Variants in CPNE8 observed in about 807,000 individuals in gnomAD.
The protein encoded by CPNE8 is copine-8.
CPNE8 carries 45 observed loss-of-function variants against 81.5 expected under a neutral mutation model. That is an observed-to-expected ratio of 0.55 (90% CI 0.44 to 0.71). The LOEUF is 0.71. CPNE8 is among the 30% of genes least tolerant of loss of function. CPNE8 has a pLI of 0.00. For synonymous variants in CPNE8, 252 were observed against 226.3 expected (o/e 1.11, Z -1.02); for missense variants, 594 against 672.1 (o/e 0.88, Z 1.28).
chr12:38,692,295 A>G (rs1273115137), intron 15 of CPNE8, among the ~76,000 whole-genome samples: 2 of 152,124 alleles, frequency 1.3e-5, no homozygotes, highest in Non-Finnish European at 2.9e-5. Context: ...TCTCAAAAAA[A>G]CAAAAACAAA....
chr12:38,662,335 C>T (rs1938977278), intron 19 of CPNE8, among the ~76,000 whole-genome samples: 2 of 152,024 alleles, frequency 1.3e-5, no homozygotes, highest in African/African-American at 4.8e-5. Context: ...AACATACAAC[C>T]ATCAGTGGCA....
At chr12:38,676,130 T>C in intron 17 of CPNE8, 1 of 381,848 alleles carries the variant, frequency 2.6e-6, no homozygotes, top group Non-Finnish European at 3.5e-6. Flanking sequence ...AAAAAAAAAA[T>C]TAAAAAAGAA....
At chr12:38,710,447 T>C (rs1486410872) in intron 13 of CPNE8, among the ~76,000 whole-genome samples, 2 of 152,106 alleles carry the variant, frequency 1.3e-5, no homozygotes, top group African/African-American at 4.8e-5. Flanking sequence ...TAGCTAGTTG[T>C]GACTCCTTGC....
chr12:38,704,916 G>GTTT (rs71068574), intron 13 of CPNE8, among the ~76,000 whole-genome samples: 2 of 95,282 alleles, frequency 2.1e-5, no homozygotes, highest in African/African-American at 3.9e-5. Flanking sequence ...AATTAGTTTA[G>GTTT]TTTTTTTTTT....
At chr12:38,817,614 C>CTT (rs869168296) in intron 6 of CPNE8, among the ~76,000 whole-genome samples, 30,865 of 90,688 alleles carry the variant, frequency 0.34, 7,241 homozygotes, top group Non-Finnish European at 0.42. Context: ...TTAATTTATT[C>CTT]TTTTTTTTTT....
chr12:38,757,238 G>A (rs1941480208), intron 10 of CPNE8, among the ~76,000 whole-genome samples: 2 of 151,696 alleles, frequency 1.3e-5, no homozygotes, highest in Admixed American at 1.3e-4. Context: ...ATGATGACAG[G>A]AATACAAAAA....
At chr12:38,808,799 A>C (rs1402927321) in intron 6 of CPNE8, among the ~76,000 whole-genome samples, 1 of 151,872 alleles carries the variant, frequency 6.6e-6, no homozygotes, top group Non-Finnish European at 1.5e-5. Context: ...AAAATGCTTA[A>C]AAACCAGTAA....
intron 6 of CPNE8, among the ~76,000 whole-genome samples, chr12:38,826,966 G>C (rs566913675): frequency 6.8e-6 from 1 of 146,544 alleles, no homozygotes; most frequent in African/African-American, 2.5e-5. Flanking sequence ...TCAGGAGTTC[G>C]AGACCAGCCT....
chr12:38,873,214 C>T (rs1337810948), intron 2 of CPNE8, among the ~76,000 whole-genome samples, 164 bp from the exon 3 acceptor site: 1 of 151,534 alleles, frequency 6.6e-6, no homozygotes, highest in East Asian at 1.9e-4. Flanking sequence ...CATCATATGA[C>T]TAAAAATTGA....
chr12:38,748,649 C>T (rs549581741), intron 10 of CPNE8, among the ~76,000 whole-genome samples: 80 of 151,696 alleles, frequency 5.3e-4, no homozygotes, highest in South Asian at 2.5e-3. Context: ...TACAGGCACC[C>T]GCCACCACGC....
chr12:38,738,247 G>T (rs1487723785), intron 10 of CPNE8, among the ~76,000 whole-genome samples: 1 of 152,106 alleles, frequency 6.6e-6, no homozygotes, highest in Non-Finnish European at 1.5e-5. Context: ...AACATGGGGG[G>T]AAAATGCATT....
intron 19 of CPNE8, among the ~76,000 whole-genome samples, chr12:38,654,555 C>G (rs996838691): frequency 6.0e-5 from 9 of 149,824 alleles, no homozygotes; most frequent in African/African-American, 2.2e-4. Flanking sequence ...CTACAAATAG[C>G]TATAAGTGAC....
At chr12:38,855,011 CACCA>C (rs894763721) in intron 3 of CPNE8, among the ~76,000 whole-genome samples, 49 of 151,950 alleles carry the variant, frequency 3.2e-4, no homozygotes, top group African/African-American at 1.1e-3. Flanking sequence ...TTCTAGACTC[CACCA>C]ATAAACTATT....
intron 1 of CPNE8, among the ~76,000 whole-genome samples, chr12:38,885,049 A>G (rs1011883325): frequency 2.6e-5 from 4 of 152,224 alleles, no homozygotes; most frequent in Non-Finnish European, 5.9e-5. Flanking sequence ...TCAATTGAAA[A>G]AAAGATGAAG....
chr12:38,795,263 C>CAT (rs1942431742), intron 6 of CPNE8, among the ~76,000 whole-genome samples: 1 of 152,162 alleles, frequency 6.6e-6, no homozygotes, highest in Non-Finnish European at 1.5e-5. Flanking sequence ...TTCATGTATA[C>CAT]ATATATATCC....
chr12:38,890,450 CT>C (rs891958716), intron 1 of CPNE8, among the ~76,000 whole-genome samples: 3 of 152,076 alleles, frequency 2.0e-5, no homozygotes, highest in African/African-American at 7.2e-5. Flanking sequence ...CTGTCTTTTC[CT>C]TTTTTTATAG....
At chr12:38,787,144 G>A (rs923202479) in intron 6 of CPNE8, among the ~76,000 whole-genome samples, 1 of 152,064 alleles carries the variant, frequency 6.6e-6, no homozygotes, top group Non-Finnish European at 1.5e-5. Flanking sequence ...TCCAACAGCT[G>A]CAGAATACAC....
chr12:38,695,863 C>A (rs922611631), intron 14 of CPNE8, among the ~76,000 whole-genome samples: 3 of 152,050 alleles, frequency 2.0e-5, no homozygotes, highest in African/African-American at 7.2e-5. Context: ...TCACTTGAGT[C>A]CGGGAGGTCA....
chr12:38,855,115 A>G (rs1304487488), intron 3 of CPNE8, among the ~76,000 whole-genome samples: 1 of 152,064 alleles, frequency 6.6e-6, no homozygotes, highest in Non-Finnish European at 1.5e-5. Context: ...AATTATCTGA[A>G]AAAGAAATTA....
Sources: gnomAD v4.1 joint callset for allele counts (sites outside exome capture counted in the v4.1 genomes callset) on GRCh38, gnomAD v4.1.1 for gene constraint, MANE v1.5 for transcripts, NCBI Gene and HGNC (gene_info 2026-07-23, HGNC 2026-07-21) for gene names.